The following ADK variants were observed in gnomAD, a reference collection of about 807,000 sequenced individuals.
The protein encoded by ADK is N6,N6-dimethyladenosine kinase.
A neutral mutation model predicts 44.7 loss-of-function variants in ADK; 24 were observed. That is an observed-to-expected ratio of 0.54 (90% confidence interval 0.39 to 0.76). The LOEUF is 0.76. Among genes scored for constraint, ADK ranks in the 30% least tolerant of loss-of-function variants. The pLI, the probability that ADK is intolerant of heterozygous loss-of-function variation, is 0.00. For synonymous variants in ADK, 128 were observed against 142.6 expected (o/e 0.90, Z 0.73); for missense variants, 321 against 425.1 (o/e 0.76, Z 2.15).
chr10:74,276,516 T>G (rs1846686008), intron 3 of ADK, among the ~76,000 whole-genome samples: 1 of 152,224 alleles, frequency 6.6e-6, no homozygotes, highest in South Asian at 2.1e-4. Context: ...TTTTATTATC[T>G]TATAGTTCTA....
At chr10:74,308,443 A>C (rs1840327252) in intron 3 of ADK, among the ~76,000 whole-genome samples, 1 of 152,188 alleles carries the variant, frequency 6.6e-6, no homozygotes, top group Non-Finnish European at 1.5e-5. Context: ...TAGCAAACTG[A>C]CATTTGAGTT....
chr10:74,406,488 C>A (rs1843929380), intron 6 of ADK, among the ~76,000 whole-genome samples: 1 of 147,620 alleles, frequency 6.8e-6, no homozygotes, highest in South Asian at 2.2e-4. Flanking sequence ...CTCCATCTAC[C>A]TTTGGGACTC....
At chr10:74,251,379 C>G (rs939128118) in intron 3 of ADK, among the ~76,000 whole-genome samples, 1 of 152,070 alleles carries the variant, frequency 6.6e-6, no homozygotes, top group African/African-American at 2.4e-5. Flanking sequence ...GAGGTAGAAT[C>G]AATAATTTTT....
chr10:74,600,373 T>C lies in ADK; in HGVS notation c.763-6T>C, dbSNP rs1456119338. Reference sequence around the variant, plus strand: ...ATGAGAATTTTTTCCTTCCTTCTATTAATAGACTAAAGACATTAAAGAGAT... The same window carrying C: ...ATGAGAATTTTTTCCTTCCTTCTATCAATAGACTAAAGACATTAAAGAGAT... On this transcript the variant is annotated splice_polypyrimidine_tract_variant and splice_region_variant and intron_variant, in intron 8 of 10. Coordinates refer to ENST00000539909, the MANE Select transcript of ADK (RefSeq NM_006721.4). 6.3e-7 allele frequency: 1 copy of C among 1,594,908 alleles called. No individual in the cohort carries two copies. The highest frequency in any genetic ancestry group is 8.6e-7 in the Non-Finnish European group (1 of 1,166,044).
At position 74,487,807 on chromosome 10, in the gene ADK, A is replaced by G. The variant is rs1445720289; in HGVS notation, c.556-37449A>G. Among the ~76,000 whole-genome samples, 5 of 152,034 alleles carry G rather than the reference A, an allele frequency of 3.3e-5. 1 individual carries two copies. The highest frequency in any genetic ancestry group is 1.2e-4 in the African/African-American group (5 of 41,440). On this transcript the variant is annotated intron_variant, in intron 6 of 10. Coordinates refer to ENST00000539909, the MANE Select transcript of ADK (RefSeq NM_006721.4). ...AATAATGAAAATAAGGGAAATGCCA[A>G]TAGAAAATTAGAAAAAATGTTAGAA...
At chr10:74,627,605 A>G (rs904842353) in intron 9 of ADK, among the ~76,000 whole-genome samples, 3 of 151,150 alleles carry the variant, frequency 2.0e-5, no homozygotes, top group African/African-American at 7.3e-5. Context: ...CAGGGGAAAG[A>G]AATTCACAGT....
chr10:74,542,019 T>C (rs1415071081), intron 7 of ADK, among the ~76,000 whole-genome samples: 2 of 151,452 alleles, frequency 1.3e-5, no homozygotes, highest in African/African-American at 2.4e-5. Flanking sequence ...GGAGGACAGA[T>C]CGCTTGGGCT....
At chr10:74,289,057 A>G (rs894974765) in intron 3 of ADK, among the ~76,000 whole-genome samples, 2 of 152,234 alleles carry the variant, frequency 1.3e-5, no homozygotes, top group Non-Finnish European at 2.9e-5. Flanking sequence ...TATTCTCAAT[A>G]TTGTTGAATT....
intron 3 of ADK, among the ~76,000 whole-genome samples, chr10:74,301,203 C>T (rs1317347316): frequency 6.6e-6 from 1 of 151,970 alleles, no homozygotes; most frequent in Non-Finnish European, 1.5e-5. Flanking sequence ...TGAATATTTG[C>T]GATCAATTTT....
intron 6 of ADK, chr10:74,508,529 C>A (rs1309371469): frequency 1.3e-5 from 2 of 152,082 alleles, no homozygotes; most frequent in South Asian, 2.1e-4. Context: ...TTATTATTCC[C>A]ATTTTACAGG....
intron 6 of ADK, among the ~76,000 whole-genome samples, chr10:74,522,480 T>G (rs1010903700): frequency 6.6e-6 from 1 of 152,192 alleles, no homozygotes; most frequent in Non-Finnish European, 1.5e-5. Flanking sequence ...GACACAATTA[T>G]AGTAGACGAT....
chr10:74,644,666 TAGG>T (rs533804433), intron 9 of ADK, among the ~76,000 whole-genome samples: 1 of 152,234 alleles, frequency 6.6e-6, no homozygotes, highest in South Asian at 2.1e-4. Context: ...CCTGAGTAGC[TAGG>T]AGAACAAGTG....
chr10:74,645,596 A>G (rs192970863), intron 9 of ADK, among the ~76,000 whole-genome samples: 119 of 152,314 alleles, frequency 7.8e-4, no homozygotes, highest in African/African-American at 2.8e-3. Flanking sequence ...CTTTCTTTAT[A>G]TTAATACTTA....
At chr10:74,316,417 C>T (rs1302239413) in intron 4 of ADK, among the ~76,000 whole-genome samples, 3 of 152,090 alleles carry the variant, frequency 2.0e-5, no homozygotes, top group Admixed American at 1.3e-4. Context: ...CCCCACATGC[C>T]AAGGAAGAGA....
chr10:74,636,941 A>G (rs1288088264), intron 9 of ADK, among the ~76,000 whole-genome samples: 1 of 152,216 alleles, frequency 6.6e-6, no homozygotes, highest in Non-Finnish European at 1.5e-5. Flanking sequence ...CAAGCTAAGC[A>G]TAGGTACAGA....
chr10:74,525,922 T>G (rs777672023), intron 7 of ADK, among the ~76,000 whole-genome samples: 1 of 152,168 alleles, frequency 6.6e-6, no homozygotes, highest in Non-Finnish European at 1.5e-5. Context: ...CCCAAAGTGC[T>G]AGGATTACAG....
intron 7 of ADK, among the ~76,000 whole-genome samples, chr10:74,586,957 TA>T (rs1221050994): frequency 1.3e-5 from 2 of 152,048 alleles, no homozygotes; most frequent in African/African-American, 4.8e-5. Context: ...GTTAATTTCT[TA>T]TATTTGAGCA....
At chr10:74,545,173 C>T (rs772013702) in intron 7 of ADK, among the ~76,000 whole-genome samples, 1 of 152,150 alleles carries the variant, frequency 6.6e-6, no homozygotes, top group Non-Finnish European at 1.5e-5. Flanking sequence ...TTATTGAGAG[C>T]ATATTCTGTG....
chr10:74,282,120 T>C (rs546633172), intron 3 of ADK, among the ~76,000 whole-genome samples: 1 of 152,228 alleles, frequency 6.6e-6, no homozygotes. Context: ...AAGGTGACAG[T>C]TTAAAAGATT....
Sources: gnomAD v4.1 joint callset for allele counts (sites outside exome capture counted in the v4.1 genomes callset) on GRCh38, gnomAD v4.1.1 for gene constraint, MANE v1.5 for transcripts, NCBI Gene and HGNC (gene_info 2026-07-23, HGNC 2026-07-21) for gene names.